Variants in DNAJC16 observed in about 807,000 individuals in gnomAD.
DNAJC16 encodes the protein dnaJ homolog subfamily C member 16.
In DNAJC16, 76 loss-of-function variants were observed where a neutral mutation model predicts 92.7. The observed-to-expected ratio is 0.82, with a 90% CI of 0.68 to 0.99. DNAJC16 has a LOEUF of 0.99. Ranked by LOEUF, DNAJC16 falls within the 50% of genes least tolerant of loss-of-function variation. The pLI is 0.00. For missense variants in DNAJC16, 869 were observed against 942.4 expected (o/e 0.92, Z 1.02); for synonymous variants, 328 against 358.7 (o/e 0.91, Z 0.97).
chr1:15,529,179 C>T lies in DNAJC16; in HGVS notation c.74C>T (p.Ala25Val), dbSNP rs888133157. 1.2e-6 allele frequency: 2 copies of T among 1,614,072 alleles called. No individual in the cohort carries two copies. The highest frequency in any genetic ancestry group is 2.2e-5 in the South Asian group (2 of 91,082). Residue 25 changes from alanine to valine, a missense_variant, in exon 2 of 15, where the codon GCG (alanine) becomes GTG (valine). Coordinates refer to ENST00000375847, the MANE Select transcript of DNAJC16 (RefSeq NM_015291.4). ...GTTCTGATCCTGCAAATTCTGTCTG[C>T]GTTGGATTTTGACCCATACAGAGTC... is the stretch of plus-strand genomic sequence containing the variant. ...VLVLILQILSALDFDPYRVLG... is the reference protein window; with the variant it reads ...VLVLILQILSVLDFDPYRVLG...
chr1:15,537,989 G>A (rs1710833557), intron 4 of DNAJC16, among the ~76,000 whole-genome samples: 2 of 152,196 alleles, frequency 1.3e-5, no homozygotes, highest in Admixed American at 6.5e-5. Flanking sequence ...AGCTACCAGC[G>A]TGGCCCAGAA....
chr1:15,536,790 G>T lies in DNAJC16; in HGVS notation c.550G>T (p.Val184Phe). ...CIHIEPVWKE[V>F]IQELEELGVG... is the part of the protein sequence containing the mutation. ...TCATATCGAGCCTGTGTGGAAAGAA[G>T]TCATTCAAGAACTGGAAGAATTGGG... Residue 184 changes from valine to phenylalanine, a missense_variant, in exon 4 of 15, where the codon GTC (valine) becomes TTC (phenylalanine). By Grantham distance (50) the Val-to-Phe change is conservative. Transcript: ENST00000375847. The T allele has an allele frequency of 6.2e-7, 1 of 1,605,698 alleles. No homozygotes were observed. The highest frequency in any genetic ancestry group is 1.7e-5 in the Admixed American group (1 of 58,102).
Position 15,564,324 on chromosome 1 carries a change from C to T in DNAJC16, c.1563C>T (p.Ile521=). The T allele has an allele frequency of 6.2e-7, 1 of 1,611,062 alleles. No individual in the cohort carries two copies. The highest frequency in any genetic ancestry group is 8.5e-7 in the Non-Finnish European group (1 of 1,177,162). The change falls in exon 11 of 15, where the codon ATC becomes ATT. Residue 521 remains isoleucine, a synonymous_variant. Coordinates refer to ENST00000375847, the MANE Select transcript of DNAJC16 (RefSeq NM_015291.4). ...GGTTCTACTCTGCTTCTGACTACAT[C>T]TCAGACTGCTGGGATAGCATTTTTC... The part of the protein sequence containing the change: ...LRWFYSASDY[I]SDCWDSIFHN...
At chr1:15,544,151 T>TACACACACACACACACACACACAC (rs148744006) in intron 4 of DNAJC16, among the ~76,000 whole-genome samples, 3,104 of 137,102 alleles carry the variant, frequency 0.023, 91 homozygotes, top group African/African-American at 0.027. Context: ...TGTATATGCA[T>TACACACACACACACACACACACAC]ACACACACAC....
rs1638801675 is a variant in DNAJC16 at position 15,566,144 on chromosome 1, G to A, written c.1742G>A (p.Gly581Glu). 3.7e-6 allele frequency: 6 copies of A among 1,613,908 alleles called. No individual in the cohort carries two copies. Among genetic ancestry groups the A allele is most frequent in the Non-Finnish European group, 5.1e-6 (6 of 1,179,994 alleles). ...AAAGAGGAAGCCCAAGAGAAGACTG[G>A]GAAAACTGAGCCAAGCTTCACCAAA... is the stretch of plus-strand genomic sequence containing the variant. ...PEKEEAQEKTGKTEPSFTKEN... is the reference protein window; with the variant it reads ...PEKEEAQEKTEKTEPSFTKEN... Residue 581 changes from glycine (G) to glutamate (E), a missense_variant, in exon 13 of 15, where the codon GGG becomes GAG. By Grantham distance (98) the Gly-to-Glu change is moderately conservative. Transcript: ENST00000375847.
intron 6 of DNAJC16, among the ~76,000 whole-genome samples, chr1:15,547,734 G>A (rs568035396): frequency 1.6e-4 from 24 of 152,196 alleles, no homozygotes; most frequent in Non-Finnish European, 2.6e-4. Flanking sequence ...GAGCCACCAC[G>A]CCTGGCCACT....
intron 9 of DNAJC16, among the ~76,000 whole-genome samples, chr1:15,562,632 C>T (rs1448405529): frequency 4.0e-5 from 6 of 151,786 alleles, no homozygotes; most frequent in Non-Finnish European, 8.8e-5. Flanking sequence ...ACCACAGGCA[C>T]ACACAACCAC....
At chr1:15,547,003 A>T in intron 6 of DNAJC16, 132 bp downstream of exon 6, 1 of 721,112 alleles carries the variant, frequency 1.4e-6, no homozygotes. Flanking sequence ...AGTTTCATCC[A>T]TGAGAAATGT....
At position 15,531,057 on chromosome 1, in the gene DNAJC16, G is replaced by A. The variant is rs16851725; in HGVS notation, c.167+1785G>A. Among the ~76,000 whole-genome samples, 407 of 152,302 alleles carry A rather than the reference G, an allele frequency of 2.7e-3. 1 individual carries two copies. Among genetic ancestry groups the A allele is most frequent in the African/African-American group, 9.2e-3 (384 of 41,588 alleles). On this transcript the variant is annotated intron_variant, in intron 2 of 14. Coordinates refer to ENST00000375847, the MANE Select transcript of DNAJC16 (RefSeq NM_015291.4). ...TAAATCTGTGGTACCTCTGGGTTCC[G>A]TAGTTTGACCCTCTGCATCAGTAGT...
At chr1:15,541,684 A>AGCACAAAGATGTAT (rs969068851) in intron 4 of DNAJC16, among the ~76,000 whole-genome samples, 5 of 152,242 alleles carry the variant, frequency 3.3e-5, no homozygotes, top group African/African-American at 1.2e-4. Flanking sequence ...AGCGCACAAG[A>AGCACAAAGATGTAT]GCACAAAGAT....
At chr1:15,567,639 C>A in intron 14 of DNAJC16, 139 bp from the exon 15 acceptor site, 1 of 938,766 alleles carries the variant, frequency 1.1e-6, no homozygotes, top group Non-Finnish European at 1.6e-6. Context: ...CCACAGAAGG[C>A]CTTCTTTTTC....
chr1:15,562,224 A>G lies in DNAJC16; in HGVS notation c.1237A>G (p.Thr413Ala), dbSNP rs1484995722. The change falls in exon 9 of 15, where the codon ACT (threonine) becomes GCT (alanine). Residue 413 changes from threonine (T) to alanine (A), a missense_variant. Coordinates refer to ENST00000375847, the MANE Select transcript of DNAJC16 (RefSeq NM_015291.4). ...TTTCCTGTCCTTTGCCCTGGCAAAC[A>G]CTCAAGACACAGTGAGATTTGTGCA... ...EAFLSFALAN[T>A]QDTVRFVHVY... is the part of the protein sequence containing the mutation. The G allele has an allele frequency of 1.2e-6, 2 of 1,613,996 alleles. No homozygotes were observed. The highest frequency in any genetic ancestry group is 1.7e-6 in the Non-Finnish European group (2 of 1,179,994).
At chr1:15,567,680 G>A (rs1638850999) in intron 14 of DNAJC16, 98 bp from the exon 15 acceptor site, 13 of 1,325,430 alleles carry the variant, frequency 9.8e-6, no homozygotes, top group East Asian at 2.3e-5. Context: ...AACACAAAGC[G>A]TTTTCCTATT....
At position 15,544,466 on chromosome 1, in the gene DNAJC16, C is replaced by T. The variant is rs1638239719; in HGVS notation, c.642C>T (p.Ser214=). The T allele has an allele frequency of 6.2e-7, 1 of 1,614,044 alleles. No homozygotes were observed. The highest frequency in any genetic ancestry group is 1.7e-5 in the Admixed American group (1 of 59,988). ...RRLAHHLGAH[S]TPSILGIING... The stretch of plus-strand genomic sequence containing the variant: ...TGGCCCATCACCTAGGGGCACACAG[C>T]ACGCCCTCTATCCTAGGAATCATTA... Residue 214 remains serine, a synonymous_variant, in exon 5 of 15, where the codon AGC becomes AGT. Transcript: ENST00000375847.
Position 15,556,016 on chromosome 1 carries a change from A to T in DNAJC16, c.1024-3510A>T, listed in dbSNP as rs568674048. 4.0e-5 allele frequency among the ~76,000 whole-genome samples: 6 copies of T among 151,002 alleles called. No individual in the cohort carries two copies. The South Asian group carries it at 1.3e-3, about 32-fold the overall frequency. On this transcript the variant is annotated intron_variant, in intron 7 of 14. Coordinates refer to ENST00000375847, the MANE Select transcript of DNAJC16 (RefSeq NM_015291.4). Reference sequence around the variant, plus strand: ...CAAAAAAAAAAAAAAAAAGAATGTAAAGGGAGCCGGGTGCAGTGGCTCACC... The same window carrying T: ...CAAAAAAAAAAAAAAAAAGAATGTATAGGGAGCCGGGTGCAGTGGCTCACC...
chr1:15,560,776 C>T (rs1475025214), intron 8 of DNAJC16, among the ~76,000 whole-genome samples: 1 of 152,174 alleles, frequency 6.6e-6, no homozygotes, highest in East Asian at 1.9e-4. Context: ...ACACACTTCT[C>T]ACTTTTTTTA....
In DNAJC16 at chr1:15,567,358, G is replaced by T. The variant is rs1276219169; in HGVS notation, c.1949+89G>T. On this transcript the variant is annotated intron_variant, in intron 14 of 14. Transcript: ENST00000375847. The stretch of plus-strand genomic sequence containing the variant: ...ATTGCACGCTTTTCTCTTTGGTCTT[G>T]TGGGGCTTCATCCATACAGCAAGAT... 7.8e-6 allele frequency: 11 copies of T among 1,404,346 alleles called. No homozygotes were observed. The African/African-American group carries it at 1.5e-4, about 20-fold the overall frequency. The allele number at this position is 1,404,346 out of a possible 1,614,324, so 87.0% of individuals were successfully genotyped here.
intron 7 of DNAJC16, among the ~76,000 whole-genome samples, chr1:15,550,228 G>A (rs1638415325): frequency 6.6e-6 from 1 of 152,210 alleles, no homozygotes; most frequent in Non-Finnish European, 1.5e-5. Flanking sequence ...TCTCAATCCA[G>A]GGTAAATGGA....
intron 4 of DNAJC16, among the ~76,000 whole-genome samples, chr1:15,538,493 G>A (rs1351874001): frequency 2.6e-5 from 4 of 152,086 alleles, no homozygotes; most frequent in African/African-American, 7.2e-5. Context: ...CAAGGCAGGC[G>A]GATCACCTGA....
Sources: gnomAD v4.1 joint callset for allele counts (sites outside exome capture counted in the v4.1 genomes callset) on GRCh38, gnomAD v4.1.1 for gene constraint, MANE v1.5 for transcripts, NCBI Gene and HGNC (gene_info 2026-07-23, HGNC 2026-07-21) for gene names.